LIN7B: variants seen among roughly 807,000 people sequenced by gnomAD.
LIN7B encodes the protein lin-7 cell polarity scaffold B.
In LIN7B, 16 loss-of-function variants were observed where a neutral mutation model predicts 27.9. That is an observed-to-expected ratio of 0.57 (90% CI 0.39 to 0.87). The LOEUF is 0.87. LIN7B is among the 40% of genes least tolerant of loss of function. The pLI, the probability that LIN7B is intolerant of heterozygous loss-of-function variation, is 0.00. For synonymous variants in LIN7B, 147 were observed against 120.8 expected (o/e 1.22, Z -1.42); for missense variants, 291 against 288.5 (o/e 1.01, Z -0.06).
intron 4 of LIN7B, 60 bp from the exon 5 acceptor site, chr19:49,117,795 A>G: frequency 2.7e-6 from 4 of 1,498,944 alleles, no homozygotes; most frequent in Non-Finnish European, 3.7e-6. Context: ...CCCATCTCCC[A>G]GTGGGGGCTG....
In LIN7B at chr19:49,116,444, G is replaced by C; in HGVS notation, c.410G>C (p.Gly137Ala). Reference protein sequence around the residue: ...VADRHGGLKRGDQLLSVNGVS... With the variant: ...VADRHGGLKRADQLLSVNGVS... Reference sequence around the variant, plus strand: ...GACCGCCATGGAGGCCTCAAGCGTGGGGATCAACTGTTGTCGGTGAACGGT... The same window carrying C: ...GACCGCCATGGAGGCCTCAAGCGTGCGGATCAACTGTTGTCGGTGAACGGT... The change falls in exon 4 of 6, where the codon GGG becomes GCG. Residue 137 changes from glycine to alanine, a missense_variant. By Grantham distance (60) the Gly-to-Ala change is moderately conservative. Transcript: ENST00000221459. 1 of 1,614,198 alleles carries C rather than the reference G, an allele frequency of 6.2e-7. No individual in the cohort carries two copies. Among genetic ancestry groups the C allele is most frequent in the South Asian group, 1.1e-5 (1 of 91,088 alleles).
In LIN7B at chr19:49,114,940, G is replaced by A. The variant is rs771281434; in HGVS notation, c.129G>A (p.Gln43=). 1.4e-6 allele frequency: 2 copies of A among 1,450,074 alleles called. No homozygotes were observed. Among genetic ancestry groups the A allele is most frequent in the Admixed American group, 5.2e-5 (2 of 38,612 alleles). The allele number at this position is 1,450,074 out of a possible 1,614,324, so 89.8% of individuals were successfully genotyped here. ...QKLQALQRVL[Q]SRFCSAIREV... is the part of the protein sequence containing the mutation. ...TGCAGGCCCTCCAGCGAGTTCTGCA[G>A]AGCCGCTTCTGCTCCGCTATCCGAG... The change falls in exon 2 of 6, where the codon CAG becomes CAA. Residue 43 remains glutamine (Q), a synonymous_variant. Coordinates refer to ENST00000221459, the MANE Select transcript of LIN7B (RefSeq NM_022165.3).
At chr19:49,117,659 TG>T (rs2040851830) in intron 4 of LIN7B, among the ~76,000 whole-genome samples, 195 bp from the exon 5 acceptor site, 1 of 152,120 alleles carries the variant, frequency 6.6e-6, no homozygotes, top group Non-Finnish European at 1.5e-5. Flanking sequence ...AACACGGGGC[TG>T]TCCCTGACAT....
At chr19:49,118,276 C>T in intron 5 of LIN7B, 76 bp from the exon 6 acceptor site, 1 of 1,550,024 alleles carries the variant, frequency 6.5e-7, no homozygotes, top group Non-Finnish European at 8.9e-7. Flanking sequence ...GCCCTTGCCT[C>T]TGCAACCCCA....
At chr19:49,117,715 A>G in intron 4 of LIN7B, 140 bp from the exon 5 acceptor site, 1 of 697,998 alleles carries the variant, frequency 1.4e-6, no homozygotes, top group East Asian at 2.6e-5. Context: ...ACCAGGAGTT[A>G]ATGACTCCCA....
rs1157451843 is a variant in LIN7B at position 49,116,042 on chromosome 19, G to C, written c.229-221G>C. The C allele has an allele frequency of 7.8e-6, 4 of 514,440 alleles. No homozygotes were observed. In the East Asian group the frequency reaches 1.3e-4, roughly 17 times the overall value. 31.9% of individuals were successfully genotyped at this position (514,440 alleles called of 1,614,324 possible). A position where few individuals can be genotyped will look rare whatever the true frequency, so the allele number is the denominator to read the frequency against. On this transcript the variant is annotated intron_variant, in intron 3 of 5. Transcript: ENST00000221459. ...AAAAAAAAGTAAGATTGGCAAGTAT[G>C]GGGTATTCAAGACACACACCAAATG...
At chr19:49,115,454 T>A in intron 3 of LIN7B, 123 bp downstream of exon 3, 1 of 821,730 alleles carries the variant, frequency 1.2e-6, no homozygotes, top group Non-Finnish European at 1.9e-6. Context: ...TGTGCCACCT[T>A]ACTATTAGTA....
intron 4 of LIN7B, 76 bp downstream of exon 4, chr19:49,116,548 T>C: frequency 1.5e-6 from 2 of 1,307,598 alleles, no homozygotes; most frequent in Non-Finnish European, 1.1e-6. Context: ...TGACATTCAC[T>C]CAACACACAC....
Position 49,116,369 on chromosome 19 carries a change from A to C in LIN7B, c.335A>C (p.Glu112Ala). The C allele has an allele frequency of 6.2e-7, 1 of 1,614,212 alleles. No homozygotes were observed. Reference sequence around the variant, plus strand: ...GGCTTCAACATCATGGGTGGCAAAGAGCAAAACTCGCCCATCTACATCTCC... The same window carrying C: ...GGCTTCAACATCATGGGTGGCAAAGCGCAAAACTCGCCCATCTACATCTCC... ...GLGFNIMGGK[E>A]QNSPIYISRV... Residue 112 changes from glutamate (E) to alanine (A), a missense_variant, in exon 4 of 6, where the codon GAG becomes GCG. Coordinates refer to ENST00000221459, the MANE Select transcript of LIN7B (RefSeq NM_022165.3).
intron 3 of LIN7B, 192 bp from the exon 4 acceptor site, chr19:49,116,071 A>C: frequency 3.5e-6 from 2 of 570,138 alleles, no homozygotes. Context: ...CCAAATGGAC[A>C]CTTTCTCTTG....
rs1600307167 is a variant in LIN7B, at chr19:49,116,446, G to A, written c.412G>A (p.Asp138Asn). The part of the protein sequence containing the change: ...ADRHGGLKRG[D>N]QLLSVNGVSV... ...CCGCCATGGAGGCCTCAAGCGTGGG[G>A]ATCAACTGTTGTCGGTGAACGGTGT... is the stretch of plus-strand genomic sequence containing the variant. Residue 138 changes from aspartate to asparagine, a missense_variant, in exon 4 of 6, where the codon GAT becomes AAT. Asp to Asn is a conservative substitution (Grantham distance 23). Transcript: ENST00000221459. The A allele has an allele frequency of 1.2e-6, 2 of 1,614,182 alleles. No individual in the cohort carries two copies. The highest frequency in any genetic ancestry group is 1.7e-6 in the Non-Finnish European group (2 of 1,179,996).
chr19:49,116,027 A>C (rs1160108471), intron 3 of LIN7B: 12 of 443,130 alleles, frequency 2.7e-5, no homozygotes, highest in Non-Finnish European at 4.4e-5. Context: ...AAAAAAAAGT[A>C]AGATTGGCAA....
chr19:49,114,537 G>A, intron 1 of LIN7B, 96 bp downstream of exon 1: 2 of 985,656 alleles, frequency 2.0e-6, no homozygotes, highest in Non-Finnish European at 2.6e-6. Context: ...GTGCGGGTGG[G>A]CCAGCGGACC....
intron 4 of LIN7B, 148 bp from the exon 5 acceptor site, chr19:49,117,707 C>T: frequency 1.5e-6 from 1 of 672,484 alleles, no homozygotes; most frequent in Non-Finnish European, 2.6e-6. Flanking sequence ...GACACTGAAC[C>T]AGGAGTTAAT....
chr19:49,114,520 C>A, intron 1 of LIN7B, 79 bp downstream of exon 1: 1 of 1,106,366 alleles, frequency 9.0e-7, no homozygotes, highest in South Asian at 4.5e-5. Context: ...CTTCCCGGGT[C>A]AGGCCAGTGC....
chr19:49,118,147 C>G, intron 5 of LIN7B, 129 bp downstream of exon 5: 2 of 1,469,556 alleles, frequency 1.4e-6, no homozygotes, highest in Non-Finnish European at 1.8e-6. Flanking sequence ...ACCCTTGACC[C>G]TTGGCCCAGG....
intron 5 of LIN7B, 71 bp downstream of exon 5, chr19:49,118,089 C>G: frequency 6.3e-7 from 1 of 1,585,394 alleles, no homozygotes; most frequent in Non-Finnish European, 8.6e-7. Context: ...CCAAACCAGG[C>G]CAGTGCTTCC....
Position 49,114,984 on chromosome 19 carries a change from GC to G in LIN7B, c.156+18del. 1 of 1,377,340 alleles carries G rather than the reference GC, an allele frequency of 7.3e-7. No individual in the cohort carries two copies. 85.3% of individuals were successfully genotyped at this position (1,377,340 alleles called of 1,614,324 possible). A position where few individuals can be genotyped will look rare whatever the true frequency, so the allele number is the denominator to read the frequency against. ...ATCCGAGAGGTGAGGGGCGCGCGGC[GC>G]AGGGGCGCGAGCTGGTGGCCGTCGT... On this transcript the variant is annotated intron_variant, in intron 2 of 5. Transcript: ENST00000221459.
At chr19:49,116,103 A>G (rs1267017378) in intron 3 of LIN7B, 160 bp from the exon 4 acceptor site, 3 of 603,002 alleles carry the variant, frequency 5.0e-6, no homozygotes, top group Non-Finnish European at 8.8e-6. Flanking sequence ...AAAGAGACGC[A>G]CAGTCATTAC....
Sources: gnomAD v4.1 joint callset for allele counts (sites outside exome capture counted in the v4.1 genomes callset) on GRCh38, gnomAD v4.1.1 for gene constraint, MANE v1.5 for transcripts, NCBI Gene and HGNC (gene_info 2026-07-23, HGNC 2026-07-21) for gene names.